Variants in BCL11A observed in about 807,000 individuals in gnomAD.
BCL11A encodes BCL11 transcription factor A.
BCL11A carries 2 observed loss-of-function variants against 55.9 expected under a neutral mutation model. The ratio of observed to expected loss-of-function variants is 0.04; its 90% confidence interval spans 0.01 to 0.11. BCL11A has a LOEUF of 0.11. Ranked by LOEUF, BCL11A falls within the 10% of genes least tolerant of loss-of-function variation. BCL11A has a pLI of 1.00. For synonymous variants in BCL11A, 465 were observed against 473.4 expected, an observed-to-expected ratio of 0.98 and a Z score of 0.23; for missense variants, 817 against 1,137.1, an observed-to-expected ratio of 0.72 and a Z score of 4.05.
chr2:60,487,905 C>A (rs1475434095), intron 2 of BCL11A, among the ~76,000 whole-genome samples: 2 of 152,298 alleles, frequency 1.3e-5, no homozygotes, highest in South Asian at 4.1e-4. Flanking sequence ...AATGCAAGTA[C>A]TCCAACTCCA....
chr2:60,549,873 C>T (rs1382368777), intron 1 of BCL11A: 2 of 152,312 alleles, frequency 1.3e-5, no homozygotes, highest in African/African-American at 4.8e-5. Context: ...GGGATCTCTG[C>T]AAATGCATTT....
chr2:60,477,768 C>T (rs943840493), intron 2 of BCL11A, among the ~76,000 whole-genome samples: 1 of 152,000 alleles, frequency 6.6e-6, no homozygotes, highest in African/African-American at 2.4e-5. Flanking sequence ...CACTGCAGCC[C>T]GGCCAGGTGG....
intron 2 of BCL11A, among the ~76,000 whole-genome samples, chr2:60,529,015 C>T (rs1324430974): frequency 1.3e-5 from 2 of 152,190 alleles, no homozygotes; most frequent in East Asian, 1.9e-4. Context: ...GTGTCACACA[C>T]CCAGGCAGGC....
chr2:60,467,699 ATGGTAC>A (rs751436939), intron 3 of BCL11A, among the ~76,000 whole-genome samples: 2,975 of 35,606 alleles, frequency 0.084, 536 homozygotes, highest in East Asian at 0.39. Context: ...GGTGGTGGTG[ATGGTAC>A]TGGTGGTGAT....
At chr2:60,474,222 T>C (rs1179631151) in intron 2 of BCL11A, among the ~76,000 whole-genome samples, 1 of 152,122 alleles carries the variant, frequency 6.6e-6, no homozygotes. Context: ...TGCCCCTTTA[T>C]CTATAAAAAT....
chr2:60,477,419 AAATACTAG>A (rs1406564888), intron 2 of BCL11A, among the ~76,000 whole-genome samples: 1 of 152,198 alleles, frequency 6.6e-6, no homozygotes, highest in African/African-American at 2.4e-5. Context: ...GGTCTTGAGA[AAATACTAG>A]AATAAGCTAA....
downstream of BCL11A, among the ~76,000 whole-genome samples, chr2:60,456,888 T>C (rs1311305170): frequency 6.6e-6 from 1 of 152,162 alleles, no homozygotes; most frequent in African/African-American, 2.4e-5. Flanking sequence ...ACCAGCAAGT[T>C]TTTTCACTTA....
chr2:60,460,371 A>C lies in BCL11A; in HGVS notation c.*33T>G, dbSNP rs759898984. ...GGGGAGTGGTGAAAAAGGGGGTGTC[A>C]GGTGGGAGTGAGGGAGGGGTATTAA... is the stretch of plus-strand genomic sequence containing the variant. On this transcript the variant is annotated 3_prime_UTR_variant, in exon 4 of 4. Transcript: ENST00000642384. 3.2e-6 allele frequency: 5 copies of C among 1,555,202 alleles called. 1 individual carries two copies. The highest frequency in any genetic ancestry group is 4.4e-6 in the Non-Finnish European group (5 of 1,144,338).
exon 5 of BCL11A, chr2:60,451,585 A>C (rs1205145914): frequency 4.3e-6 from 1 of 231,492 alleles, no homozygotes; most frequent in Non-Finnish European, 8.5e-6. Flanking sequence ...ATCTGCCCCA[A>C]ATTTCCTGAT....
intron 2 of BCL11A, among the ~76,000 whole-genome samples, chr2:60,484,704 G>C (rs1187429972): frequency 6.6e-6 from 1 of 152,080 alleles, no homozygotes; most frequent in Non-Finnish European, 1.5e-5. Flanking sequence ...AAAAAAGAAG[G>C]AGAAAGAGAG....
At chr2:60,549,580 C>A (rs1051454046) in intron 1 of BCL11A, among the ~76,000 whole-genome samples, 2 of 152,202 alleles carry the variant, frequency 1.3e-5, no homozygotes, top group African/African-American at 4.8e-5. Flanking sequence ...GCTCCCGCCG[C>A]GCTTGCTGCG....
intron 2 of BCL11A, among the ~76,000 whole-genome samples, chr2:60,473,240 GTTT>G (rs35836068): frequency 2.6e-4 from 36 of 140,446 alleles, no homozygotes; most frequent in African/African-American, 9.0e-4. Context: ...TAATTTCCCT[GTTT>G]TTTTTTTTTT....
At chr2:60,491,124 A>G (rs1678603397) in intron 2 of BCL11A, among the ~76,000 whole-genome samples, 1 of 152,210 alleles carries the variant, frequency 6.6e-6, no homozygotes, top group Non-Finnish European at 1.5e-5. Context: ...AACATCTTCT[A>G]TATGTGAAGC....
chr2:60,473,758 G>A (rs1677356685), intron 2 of BCL11A, among the ~76,000 whole-genome samples: 1 of 152,192 alleles, frequency 6.6e-6, no homozygotes, highest in South Asian at 2.1e-4. Context: ...TGTGACTTGA[G>A]TTGTGTCAAT....
At chr2:60,512,882 A>T (rs1413150825) in intron 2 of BCL11A, among the ~76,000 whole-genome samples, 1 of 152,180 alleles carries the variant, frequency 6.6e-6, no homozygotes, top group Admixed American at 6.5e-5. Flanking sequence ...AAACCCAACC[A>T]CTTTGCCCAC....
intron 2 of BCL11A, among the ~76,000 whole-genome samples, chr2:60,497,431 C>T (rs1176596473): frequency 6.6e-6 from 1 of 152,158 alleles, no homozygotes; most frequent in Non-Finnish European, 1.5e-5. Context: ...CTCAGGTTAG[C>T]AGGCCAAGGA....
Position 60,457,419 on chromosome 2 carries a change from T to C in BCL11A, c.*2985A>G. ...TAAAAGATCAAATTAAGTGCCTCTG[T>C]TTTGAACAGGGCACATAAGCAATAA... On this transcript the variant is annotated 3_prime_UTR_variant, in exon 4 of 4. Transcript: ENST00000642384. 1 of 1,034,286 alleles carries C rather than the reference T, an allele frequency of 9.7e-7. No homozygotes were observed. The highest frequency in any genetic ancestry group is 1.2e-6 in the Non-Finnish European group (1 of 858,126). The allele number at this position is 1,034,286 out of a possible 1,614,324, so 64.1% of individuals were successfully genotyped here.
intron 2 of BCL11A, among the ~76,000 whole-genome samples, chr2:60,469,393 T>C (rs77406335): frequency 0.01 from 1,539 of 152,310 alleles, 31 homozygotes; most frequent in African/African-American, 0.035. Flanking sequence ...CCTTCAGTGA[T>C]AGGGGAAACC....
chr2:60,484,483 G>A (rs1386508266), intron 2 of BCL11A: 1 of 152,140 alleles, frequency 6.6e-6, no homozygotes, highest in Non-Finnish European at 1.5e-5. Flanking sequence ...CACCAGAAAG[G>A]GAAGTAGGTT....
Sources: allele counts gnomAD v4.1 joint callset (sites outside exome capture counted in the v4.1 genomes callset), GRCh38; gene constraint gnomAD v4.1.1; transcripts MANE v1.5; gene names NCBI Gene and HGNC (gene_info 2026-07-23, HGNC 2026-07-21).